FRMD4A: variants seen among roughly 807,000 people sequenced by gnomAD.
FRMD4A encodes FERM domain-containing protein 4A.
A neutral mutation model predicts 129.1 loss-of-function variants in FRMD4A; 29 were observed. That is an observed-to-expected ratio of 0.22 (90% confidence interval 0.17 to 0.31). FRMD4A has a LOEUF of 0.31. Ranked by LOEUF, FRMD4A falls within the 10% of genes least tolerant of loss-of-function variation. FRMD4A has a pLI of 1.00. For synonymous variants in FRMD4A, 634 were observed against 571.6 expected (o/e 1.11, Z -1.56); for missense variants, 1,272 against 1,375.8 (o/e 0.92, Z 1.19).
intron 2 of FRMD4A, among the ~76,000 whole-genome samples, chr10:14,020,263 A>G (rs1316326268): frequency 6.6e-6 from 1 of 152,200 alleles, no homozygotes; most frequent in East Asian, 1.9e-4. Flanking sequence ...CAGAGTGATG[A>G]CAACTAATTA....
chr10:14,284,842 T>G (rs1262916284), intron 2 of FRMD4A, among the ~76,000 whole-genome samples: 1 of 152,208 alleles, frequency 6.6e-6, no homozygotes, highest in East Asian at 1.9e-4. Context: ...GGAAAACTCC[T>G]ATTCATCCTT....
In FRMD4A at chr10:13,644,273, C is replaced by T. The variant is rs574141891; in HGVS notation, c.*2765G>A. 2.6e-5 allele frequency: 4 copies of T among 152,308 alleles called. No individual in the cohort carries two copies. The highest frequency in any genetic ancestry group is 9.6e-5 in the African/African-American group (4 of 41,568). The allele number at this position is 152,308 out of a possible 1,614,324, so 9.4% of individuals were successfully genotyped here. A position where few individuals can be genotyped will look rare whatever the true frequency, so the allele number is the denominator to read the frequency against. On this transcript the variant is annotated 3_prime_UTR_variant, in exon 25 of 25. Coordinates refer to ENST00000357447, the MANE Select transcript of FRMD4A (RefSeq NM_018027.5). ...TAGGGGCTTTATATCAGACCAAGGACTTCGTATTTCACCTTATTTTGTTTT... is the reference window on the plus strand; with the variant it reads ...TAGGGGCTTTATATCAGACCAAGGATTTCGTATTTCACCTTATTTTGTTTT...
chr10:13,699,837 C>T (rs1171585709), intron 14 of FRMD4A, among the ~76,000 whole-genome samples: 2 of 152,168 alleles, frequency 1.3e-5, no homozygotes, highest in African/African-American at 4.8e-5. Context: ...ACTTTGGCCC[C>T]ATTTCTTTTG....
intron 2 of FRMD4A, among the ~76,000 whole-genome samples, chr10:14,262,558 C>T (rs1394344509): frequency 6.6e-6 from 1 of 152,310 alleles, no homozygotes; most frequent in African/African-American, 2.4e-5. Context: ...GGGTCTTCTC[C>T]TTCCTGGGGC....
intron 5 of FRMD4A, among the ~76,000 whole-genome samples, chr10:13,791,344 C>T (rs2092994882): frequency 6.6e-6 from 1 of 152,028 alleles, no homozygotes; most frequent in Non-Finnish European, 1.5e-5. Context: ...ATGAACCAAC[C>T]TGAAGTTGCA....
intron 2 of FRMD4A, among the ~76,000 whole-genome samples, chr10:13,998,775 C>T (rs189278125): frequency 6.6e-6 from 1 of 152,156 alleles, no homozygotes; most frequent in South Asian, 2.1e-4. Flanking sequence ...TATCCGCTGG[C>T]CTAAATCATC....
chr10:14,088,122 G>A (rs1420664524), intron 2 of FRMD4A, among the ~76,000 whole-genome samples: 1 of 152,026 alleles, frequency 6.6e-6, no homozygotes, highest in Non-Finnish European at 1.5e-5. Context: ...CTGTAAAAAG[G>A]GGGAAGAAAA....
chr10:13,809,320 C>T (rs536586772), intron 4 of FRMD4A, among the ~76,000 whole-genome samples: 44 of 152,220 alleles, frequency 2.9e-4, no homozygotes, highest in African/African-American at 9.1e-4. Flanking sequence ...CTAGAGTTCA[C>T]GGGATCTTTT....
At chr10:14,207,966 T>C (rs1394437833) in intron 2 of FRMD4A, among the ~76,000 whole-genome samples, 2 of 152,104 alleles carry the variant, frequency 1.3e-5, no homozygotes, top group Non-Finnish European at 2.9e-5. Context: ...TTTGGGAGGC[T>C]GAGGCCAGGG....
intron 2 of FRMD4A, among the ~76,000 whole-genome samples, chr10:14,322,174 G>C (rs1042336292): frequency 1.3e-5 from 2 of 152,146 alleles, no homozygotes; most frequent in African/African-American, 4.8e-5. Context: ...AGAGAGTAGA[G>C]GCCTGGACTA....
At chr10:14,250,434 G>A (rs1471285240) in intron 2 of FRMD4A, among the ~76,000 whole-genome samples, 1 of 152,274 alleles carries the variant, frequency 6.6e-6, no homozygotes, top group African/African-American at 2.4e-5. Context: ...TTTTTACAAA[G>A]GTGTTGCCCT....
At chr10:13,901,640 T>G (rs1003482545) in intron 2 of FRMD4A, among the ~76,000 whole-genome samples, 2 of 152,110 alleles carry the variant, frequency 1.3e-5, no homozygotes, top group African/African-American at 4.8e-5. Context: ...GGAAAAGATT[T>G]TCAGCAAATA....
intron 2 of FRMD4A, among the ~76,000 whole-genome samples, chr10:13,974,683 T>C (rs10906554): frequency 0.34 from 51,866 of 152,038 alleles, 9,223 homozygotes; most frequent in East Asian, 0.6. Context: ...CCCGCCACCA[T>C]GCCTGGCTAA....
chr10:13,977,567 A>G (rs1347919805), intron 2 of FRMD4A, among the ~76,000 whole-genome samples: 1 of 152,222 alleles, frequency 6.6e-6, no homozygotes, highest in African/African-American at 2.4e-5. Context: ...TCTTAGTTTA[A>G]TCATAGGATT....
At chr10:14,199,171 T>C (rs944450153) in intron 2 of FRMD4A, among the ~76,000 whole-genome samples, 5 of 152,076 alleles carry the variant, frequency 3.3e-5, no homozygotes, top group Non-Finnish European at 7.4e-5. Flanking sequence ...GTTGTTTCCA[T>C]TTTTAAAAGT....
intron 2 of FRMD4A, among the ~76,000 whole-genome samples, chr10:13,930,815 T>C (rs965823536): frequency 1.4e-4 from 22 of 152,006 alleles, no homozygotes; most frequent in African/African-American, 5.3e-4. Flanking sequence ...TTTAGAAAGA[T>C]TTATAAAATT....
intron 2 of FRMD4A, among the ~76,000 whole-genome samples, chr10:13,909,839 G>A (rs116523417): frequency 9.1e-4 from 139 of 152,268 alleles, no homozygotes; most frequent in Middle Eastern, 3.4e-3. Context: ...CTTCAGAATT[G>A]CCAGAAACAT....
intron 2 of FRMD4A, among the ~76,000 whole-genome samples, chr10:14,057,360 T>G (rs1267571925): frequency 6.6e-6 from 1 of 152,152 alleles, no homozygotes; most frequent in Non-Finnish European, 1.5e-5. Flanking sequence ...TCTTCACACA[T>G]CGTCTTTACC....
chr10:14,173,699 G>A lies in FRMD4A; in HGVS notation c.45+156359C>T, dbSNP rs79882736. On this transcript the variant is annotated intron_variant, in intron 2 of 24. Coordinates refer to ENST00000357447, the MANE Select transcript of FRMD4A (RefSeq NM_018027.5). Reference sequence around the variant, plus strand: ...GTACTTCCTGCAAACGAACAGCTCCGAGGGCTGCACGGCCCCAAAGCAAGA... The same window carrying A: ...GTACTTCCTGCAAACGAACAGCTCCAAGGGCTGCACGGCCCCAAAGCAAGA... Among the ~76,000 whole-genome samples the A allele has an allele frequency of 4.3e-3, 661 of 152,214 alleles. 3 individuals carry two copies. The highest frequency in any genetic ancestry group is 0.015 in the African/African-American group (620 of 41,534).
Sources: allele counts gnomAD v4.1 joint callset (sites outside exome capture counted in the v4.1 genomes callset), GRCh38; gene constraint gnomAD v4.1.1; transcripts MANE v1.5; gene names NCBI Gene and HGNC (gene_info 2026-07-23, HGNC 2026-07-21).